SZT2: variants seen among roughly 807,000 people sequenced by gnomAD.
SZT2 encodes SZT2 subunit of KICSTOR complex, also known as KICSTOR complex protein SZT2.
A neutral mutation model predicts 404.2 loss-of-function variants in SZT2; 216 were observed. That is an observed-to-expected ratio of 0.53 (90% CI 0.48 to 0.60). The LOEUF (loss-of-function observed/expected upper bound fraction) is 0.60. SZT2 is among the 20% of genes least tolerant of loss of function. The probability of loss-of-function intolerance (pLI) is 0.00; values close to 1 mark genes in which losing one functional copy is unlikely to be tolerated. For missense variants in SZT2, 3,857 were observed against 4,459.2 expected, an observed-to-expected ratio of 0.86 and a Z score of 3.85; for synonymous variants, 1,693 against 1,749.9, an observed-to-expected ratio of 0.97 and a Z score of 0.81.
chr1:43,416,182 T>C, intron 6 of SZT2, 81 bp downstream of exon 6: 1 of 1,508,466 alleles, frequency 6.6e-7, no homozygotes, highest in Non-Finnish European at 8.9e-7. Context: ...AGATAGCAGT[T>C]CCAGGGAATC....
At position 43,422,642 on chromosome 1, in the gene SZT2, G is replaced by A; in HGVS notation, c.1922+10G>A. ...TTAAGCTGCTCTCCAGGTGGGCAAA[G>A]TGATGTCCCTTCACCCCCCGCCCCC... On this transcript the variant is annotated intron_variant, in intron 13 of 71. Transcript: ENST00000634258. 6.4e-7 allele frequency: 1 copy of A among 1,571,260 alleles called. No individual in the cohort carries two copies. Among genetic ancestry groups the A allele is most frequent in the Non-Finnish European group, 8.6e-7 (1 of 1,167,922 alleles).
chr1:43,452,823 C>T lies in SZT2; in HGVS notation c.*2343C>T, dbSNP rs1656586658. On this transcript the variant is annotated 3_prime_UTR_variant, in exon 72 of 72. Coordinates refer to ENST00000634258, the MANE Select transcript of SZT2 (RefSeq NM_001365999.1). ...CAGCCCCACTTTGAGCCGTCCACCTCCTCCCATCATCCCCTGATCTTAGCC... is the reference window on the plus strand; with the variant it reads ...CAGCCCCACTTTGAGCCGTCCACCTTCTCCCATCATCCCCTGATCTTAGCC... 1.4e-6 allele frequency: 2 copies of T among 1,447,700 alleles called. No individual in the cohort carries two copies. The highest frequency in any genetic ancestry group is 3.9e-5 in the Admixed American group (2 of 50,778). 89.7% of individuals were successfully genotyped at this position (1,447,700 alleles called of 1,614,324 possible).
chr1:43,422,670 A>ACCCCCCC, intron 13 of SZT2, 38 bp downstream of exon 13: 1 of 506,506 alleles, frequency 2.0e-6, no homozygotes, highest in Admixed American at 6.8e-5. Flanking sequence ...CCGCCCCCCC[A>ACCCCCCC]CCCCCCCGCC....
intron 1 of SZT2, among the ~76,000 whole-genome samples, 159 bp from the exon 2 acceptor site, chr1:43,403,018 G>C (rs1649866530): frequency 1.3e-5 from 2 of 152,090 alleles, no homozygotes; most frequent in Admixed American, 1.3e-4. Context: ...TGACTCCCTG[G>C]GAACACCTTG....
At chr1:43,445,261 T>C (rs1655534257) in intron 62 of SZT2, 1 of 152,432 alleles carries the variant, frequency 6.6e-6, no homozygotes. Flanking sequence ...CAATCACCAA[T>C]CACTAAGTCT....
chr1:43,425,268 T>G lies in SZT2; in HGVS notation c.2645+61T>G. On this transcript the variant is annotated intron_variant, in intron 18 of 71. Coordinates refer to ENST00000634258, the MANE Select transcript of SZT2 (RefSeq NM_001365999.1). This position sits in a 1 kb window ranked among gnomAD's most constrained non-coding sequence, Gnocchi z 4.3. ...AGTCAGCCTTCTCCCCACCATCCCC[T>G]AGAGGTCTGGCTCCCATATCCTGAG... The G allele has an allele frequency of 6.3e-7, 1 of 1,592,196 alleles. No individual in the cohort carries two copies. Among genetic ancestry groups the G allele is most frequent in the Non-Finnish European group, 8.6e-7 (1 of 1,163,136 alleles).
At position 43,432,382 on chromosome 1, in the gene SZT2, T is replaced by G. The variant is rs12129487; in HGVS notation, c.5385T>G (p.Ser1795=). The G allele has an allele frequency of 0.029, 46,288 of 1,600,920 alleles. 772 individuals are homozygous for G. The highest frequency in any genetic ancestry group is 0.047 in the Middle Eastern group (283 of 5,970). ...QQPGGSHGEP[S]SAAWAWHSHE... ...CAGGTGGGTCCCATGGGGAGCCTTC[T>G]TCAGCGGCCTGGGCTTGGCACAGTC... is the stretch of plus-strand genomic sequence containing the variant. The change falls in exon 37 of 72, where the codon TCT becomes TCG. Residue 1795 remains serine (S), a synonymous_variant. Coordinates refer to ENST00000634258, the MANE Select transcript of SZT2 (RefSeq NM_001365999.1).
At chr1:43,427,845 C>T in intron 26 of SZT2, 111 bp downstream of exon 26, 4 of 1,400,440 alleles carry the variant, frequency 2.9e-6, no homozygotes, top group Non-Finnish European at 3.9e-6. Context: ...ATCCTGCTGG[C>T]TCCTTGCTTG....
rs1483684283 is a variant in SZT2 at position 43,432,808 on chromosome 1, G to C, written c.5602+9G>C. 3 of 1,613,406 alleles carry C rather than the reference G, an allele frequency of 1.9e-6. No individual in the cohort carries two copies. Among genetic ancestry groups the C allele is most frequent in the African/African-American group, 2.7e-5 (2 of 74,888 alleles). Reference sequence around the variant, plus strand: ...GGACTCAGACCACCTAGGTAAGCTGGGGGGACGGGGTGAAGGACTCTAAGC... The same window carrying C: ...GGACTCAGACCACCTAGGTAAGCTGCGGGGACGGGGTGAAGGACTCTAAGC... On this transcript the variant is annotated intron_variant, in intron 39 of 71. Transcript: ENST00000634258.
At position 43,432,283 on chromosome 1, in the gene SZT2, C is replaced by T. The variant is rs1448671078; in HGVS notation, c.5286C>T (p.Arg1762=). ...CTCCTGCTCTCTAGGAGTTCCGCCG[C>T]CTCCATCTCCCTGGCCATGTTCTTC... ...SLTQFKEEFR[R]LHLPGHVLLE... Residue 1762 remains arginine (R), a synonymous_variant, in exon 37 of 72, where the codon CGC becomes CGT. Transcript: ENST00000634258. 2 of 1,558,104 alleles carry T rather than the reference C, an allele frequency of 1.3e-6. No individual in the cohort carries two copies. The highest frequency in any genetic ancestry group is 1.7e-6 in the Non-Finnish European group (2 of 1,155,202).
In SZT2 at chr1:43,414,017, C is replaced by T. The variant is rs535833112; in HGVS notation, c.499-1065C>T. 5.3e-5 allele frequency among the ~76,000 whole-genome samples: 8 copies of T among 152,294 alleles called. No homozygotes were observed. The East Asian group carries it at 1.5e-3, about 29-fold the overall frequency. On this transcript the variant is annotated intron_variant, in intron 4 of 71. Coordinates refer to ENST00000634258, the MANE Select transcript of SZT2 (RefSeq NM_001365999.1). ...CCTGAGGTGGGTAGGCATGGTGACT[C>T]ATGCCTGTAATCCCAGCACTTTGGG...
chr1:43,415,997 GC>G lies in SZT2; in HGVS notation c.670del (p.Arg224GlyfsTer3). ...TCCCCAGACTCAGGGGACCTACTGG[GC>G]CGGAAGGTAGGCGTCTCCATGGTGA... ...DQSPDSGDLL[G>X]RKVGVSMVTA... On this transcript the variant is annotated frameshift_variant, in exon 6 of 72. Coordinates refer to ENST00000634258, the MANE Select transcript of SZT2 (RefSeq NM_001365999.1). LOFTEE classifies it high-confidence loss of function. The G allele has an allele frequency of 6.3e-7, 1 of 1,598,146 alleles. No homozygotes were observed. The highest frequency in any genetic ancestry group is 1.1e-5 in the South Asian group (1 of 91,002).
In SZT2 at chr1:43,447,135, G is replaced by A. The variant is rs764648221; in HGVS notation, c.9253G>A (p.Gly3085Arg). The A allele has an allele frequency of 8.7e-6, 14 of 1,613,258 alleles. No individual in the cohort carries two copies. The highest frequency in any genetic ancestry group is 2.2e-5 in the East Asian group (1 of 44,884). Residue 3085 changes from glycine (G) to arginine (R), a missense_variant, in exon 66 of 72, where the codon GGA (glycine) becomes AGA (arginine). By Grantham distance (125) the Gly-to-Arg change is moderately radical. This residue lies in a region of SZT2 where 717 missense variants were observed against 868.2 expected (regional missense o/e 0.83). Coordinates refer to ENST00000634258, the MANE Select transcript of SZT2 (RefSeq NM_001365999.1). ...ACACTTCCTGGCCCACCACCCTGAC[G>A]GACCCCACTTTGGCCGCAATCACAT... ...LRHFLAHHPD[G>R]PHFGRNHIYQ...
In SZT2 at chr1:43,441,284, A is replaced by G; in HGVS notation, c.7415A>G (p.Asp2472Gly). The change falls in exon 53 of 72, where the codon GAC becomes GGC. Residue 2472 changes from aspartate to glycine, a missense_variant. Physicochemically the swap from Asp to Gly is moderately conservative, Grantham distance 94. Transcript: ENST00000634258. The surrounding 1 kb of genome is among the most constrained non-coding windows in gnomAD (Gnocchi z 4.8). ...GACATTGTCCTGGATCGGCCAGAAGACACTCGGGGCCGGAGGCGTCACAAA... is the reference window on the plus strand; with the variant it reads ...GACATTGTCCTGGATCGGCCAGAAGGCACTCGGGGCCGGAGGCGTCACAAA... Reference protein sequence around the residue: ...TDDIVLDRPEDTRGRRRHKTE... With the variant: ...TDDIVLDRPEGTRGRRRHKTE... 1 of 1,614,198 alleles carries G rather than the reference A, an allele frequency of 6.2e-7. No individual in the cohort carries two copies. Among genetic ancestry groups the G allele is most frequent in the Non-Finnish European group, 8.5e-7 (1 of 1,180,044 alleles).
At chr1:43,393,021 T>C (rs1570527888) in intron 1 of SZT2, among the ~76,000 whole-genome samples, 1 of 152,188 alleles carries the variant, frequency 6.6e-6, no homozygotes, top group Admixed American at 6.5e-5. Context: ...GGATAATAAG[T>C]GCTGTAAAGG....
At chr1:43,390,086 G>T (rs557690571) in intron 1 of SZT2, 91 bp downstream of exon 1, 117 of 1,323,972 alleles carry the variant, frequency 8.8e-5, no homozygotes, top group Admixed American at 7.1e-4. Flanking sequence ...CTAGGTCTGG[G>T]GGTGGCCGGG....
At chr1:43,413,722 GTT>G (rs1651355083) in intron 4 of SZT2, among the ~76,000 whole-genome samples, 2 of 151,826 alleles carry the variant, frequency 1.3e-5, no homozygotes, top group Non-Finnish European at 2.9e-5. Context: ...AACTTGGCAT[GTT>G]ATTTATTTGT....
Position 43,452,142 on chromosome 1 carries a change from G to T in SZT2, c.*1662G>T. 2 of 1,508,932 alleles carry T rather than the reference G, an allele frequency of 1.3e-6. No individual in the cohort carries two copies. The highest frequency in any genetic ancestry group is 9.1e-7 in the Non-Finnish European group (1 of 1,093,544). The allele number at this position is 1,508,932 out of a possible 1,614,324, so 93.5% of individuals were successfully genotyped here. ...CAGCCTCACGTGCTGTCCCCACTGT[G>T]CACCCCCTTCTCCGCACACCCACAG... On this transcript the variant is annotated 3_prime_UTR_variant, in exon 72 of 72. Coordinates refer to ENST00000634258, the MANE Select transcript of SZT2 (RefSeq NM_001365999.1).
At chr1:43,422,658 C>CCA in intron 13 of SZT2, 26 bp downstream of exon 13, 1 of 1,009,108 alleles carries the variant, frequency 9.9e-7, no homozygotes, top group Non-Finnish European at 1.3e-6. Context: ...TCCCTTCACC[C>CCA]CCCGCCCCCC....
Sources: gnomAD v4.1 joint callset for allele counts (sites outside exome capture counted in the v4.1 genomes callset) on GRCh38, gnomAD v4.1.1 for gene constraint, gnomAD v4.1.1 regional missense constraint, Gnocchi (gnomAD v3.1) non-coding constraint, MANE v1.5 for transcripts, NCBI Gene and HGNC (gene_info 2026-07-23, HGNC 2026-07-21) for gene names.